Variants in NFATC2 observed in about 807,000 individuals in gnomAD.
The protein encoded by NFATC2 is nuclear factor of activated T cells 2.
A neutral mutation model predicts 87.3 loss-of-function variants in NFATC2; 22 were observed. The observed-to-expected ratio is 0.25, with a 90% CI of 0.18 to 0.36. The LOEUF (loss-of-function observed/expected upper bound fraction) is 0.36. Ranked by LOEUF, NFATC2 falls within the 10% of genes least tolerant of loss-of-function variation. The pLI is 1.00. For synonymous variants in NFATC2, 565 were observed against 542.2 expected (o/e 1.04, Z -0.58); for missense variants, 1,149 against 1,259.1 (o/e 0.91, Z 1.32).
intron 3 of NFATC2, among the ~76,000 whole-genome samples, chr20:51,514,313 T>C (rs557934095): frequency 1.3e-5 from 2 of 152,364 alleles, no homozygotes; most frequent in East Asian, 3.9e-4. Context: ...AGATTCTCTC[T>C]CCTTAAGACT....
At position 51,523,921 on chromosome 20, in the gene NFATC2, G is replaced by A. The variant is rs757310570; in HGVS notation, c.320C>T (p.Ser107Leu). ...GATCTCGATCCGAGGGCTCAGGCCC[G>A]AGGCCCCTGCTGGCTTGGCCGCGCT... ...FLSAAKPAGA[S>L]GLSPRIEITP... is the part of the protein sequence containing the mutation. Residue 107 changes from serine to leucine, a missense_variant, in exon 2 of 11, where the codon TCG (serine) becomes TTG (leucine). Ser to Leu is a moderately radical substitution (Grantham distance 145, BLOSUM62 -2). Transcript: ENST00000371564. This position sits in a 1 kb window ranked among gnomAD's most constrained non-coding sequence, Gnocchi z 6.9. 4.5e-5 allele frequency: 72 copies of A among 1,603,242 alleles called. No individual in the cohort carries two copies. The highest frequency in any genetic ancestry group is 5.9e-5 in the Non-Finnish European group (69 of 1,177,060).
chr20:51,393,959 GGATGGAAATGGTCCTGCT>G (rs11270196), intron 10 of NFATC2, among the ~76,000 whole-genome samples: 9,219 of 151,718 alleles, frequency 0.061, 455 homozygotes, highest in African/African-American at 0.13. Context: ...CCCTCTTCTT[GGATGGAAATGGTCCTGCT>G]GATGGAAATG....
chr20:51,396,598 G>A (rs1331423260), intron 10 of NFATC2, among the ~76,000 whole-genome samples: 1 of 152,154 alleles, frequency 6.6e-6, no homozygotes, highest in Non-Finnish European at 1.5e-5. Context: ...CAAAGGCCAT[G>A]GCCAGAAAGA....
chr20:51,502,256 T>G (rs2076100214), intron 3 of NFATC2, among the ~76,000 whole-genome samples: 1 of 152,236 alleles, frequency 6.6e-6, no homozygotes, highest in Non-Finnish European at 1.5e-5. Flanking sequence ...CACTCAACAC[T>G]TTTATTGCTG....
At position 51,432,034 on chromosome 20, in the gene NFATC2, C is replaced by T; in HGVS notation, c.2722+33G>A. On this transcript the variant is annotated intron_variant, in intron 9 of 10. Transcript: ENST00000371564. This position sits in a 1 kb window ranked among gnomAD's most constrained non-coding sequence, Gnocchi z 4.6. ...GGCAGAGATGCTTCAGGGCACCATC[C>T]TTACAGGCAGTGACAAAACTCAAGC... 2 of 1,508,176 alleles carry T rather than the reference C, an allele frequency of 1.3e-6. No individual in the cohort carries two copies. Among genetic ancestry groups the T allele is most frequent in the Admixed American group, 4.5e-5 (2 of 44,400 alleles). The allele number at this position is 1,508,176 out of a possible 1,614,324, so 93.4% of individuals were successfully genotyped here.
chr20:51,474,548 TA>T (rs1988529874), intron 4 of NFATC2, among the ~76,000 whole-genome samples: 1 of 152,166 alleles, frequency 6.6e-6, no homozygotes, highest in African/African-American at 2.4e-5. Context: ...CATCCTGAAG[TA>T]TTTAAAAGTA....
intron 1 of NFATC2, among the ~76,000 whole-genome samples, chr20:51,536,605 C>A (rs1184649737): frequency 1.3e-5 from 2 of 152,180 alleles, no homozygotes; most frequent in African/African-American, 4.8e-5. Context: ...TACTCCTGAT[C>A]AAAATCTATG....
In NFATC2 at chr20:51,391,308, G is replaced by T; in HGVS notation, c.*188C>A. The T allele has an allele frequency of 7.1e-7, 1 of 1,411,658 alleles. No individual in the cohort carries two copies. The highest frequency in any genetic ancestry group is 1.0e-6 in the Non-Finnish European group (1 of 996,086). 87.4% of individuals were successfully genotyped at this position (1,411,658 alleles called of 1,614,324 possible). On this transcript the variant is annotated 3_prime_UTR_variant, in exon 11 of 11. Coordinates refer to ENST00000371564, the MANE Select transcript of NFATC2 (RefSeq NM_012340.5). ...TCCGCGTGTGGACTCCGGGCTGGGA[G>T]ATGAACATGAAAGGAGACAGAAGGT... is the stretch of plus-strand genomic sequence containing the variant.
At chr20:51,476,959 AC>A (rs1367491245) in intron 3 of NFATC2, among the ~76,000 whole-genome samples, 1 of 152,206 alleles carries the variant, frequency 6.6e-6, no homozygotes, top group Non-Finnish European at 1.5e-5. Context: ...GACTGGTATA[AC>A]TATTTTAAAG....
intron 5 of NFATC2, among the ~76,000 whole-genome samples, chr20:51,458,286 A>G (rs1313603066): frequency 6.6e-6 from 1 of 151,954 alleles, no homozygotes; most frequent in Admixed American, 6.6e-5. Context: ...TGTCCTGGGC[A>G]TTGTACAATG....
At chr20:51,545,999 T>C (rs966234257), upstream of NFATC2, among the ~76,000 whole-genome samples, 1 of 152,178 alleles carries the variant, frequency 6.6e-6, no homozygotes, top group Non-Finnish European at 1.5e-5. Context: ...ACCCTGAGGC[T>C]TACCCTGGCC....
chr20:51,466,705 AAAGCACTAATCCCAG>A (rs1216763818), intron 5 of NFATC2, among the ~76,000 whole-genome samples: 1 of 152,204 alleles, frequency 6.6e-6, no homozygotes, highest in East Asian at 1.9e-4. Flanking sequence ...AGGAATGCAA[AAAGCACTAATCCCAG>A]AAGAAAAGAA....
intron 1 of NFATC2, among the ~76,000 whole-genome samples, chr20:51,539,271 T>C (rs142357503): frequency 1.2e-4 from 19 of 152,306 alleles, no homozygotes. Flanking sequence ...TGCCCAGAGT[T>C]AAGGATAGAA....
At chr20:51,398,621 A>T in intron 10 of NFATC2, 22 bp downstream of exon 10, 1 of 1,533,854 alleles carries the variant, frequency 6.5e-7, no homozygotes, top group South Asian at 1.2e-5. Context: ...AAACAAAAGG[A>T]GAAGCAGAAG....
intron 10 of NFATC2, among the ~76,000 whole-genome samples, chr20:51,391,818 AT>A (rs949168609): frequency 5.3e-5 from 8 of 151,488 alleles, no homozygotes; most frequent in Non-Finnish European, 4.4e-5. Context: ...GCCCATCTCT[AT>A]TTTTTTTAAA....
At chr20:51,408,553 C>T (rs1978721615) in intron 9 of NFATC2, among the ~76,000 whole-genome samples, 1 of 148,766 alleles carries the variant, frequency 6.7e-6, no homozygotes, top group Admixed American at 6.7e-5. Context: ...GAAAGAGGCC[C>T]ACACTTACAT....
chr20:51,533,499 G>A (rs1387861391), intron 1 of NFATC2, among the ~76,000 whole-genome samples: 2 of 152,210 alleles, frequency 1.3e-5, no homozygotes, highest in Non-Finnish European at 1.5e-5. Context: ...CCTGAAAGTC[G>A]AGAAATTCCA....
At position 51,442,170 on chromosome 20, in the gene NFATC2, G is replaced by A. The variant is rs183590056; in HGVS notation, c.1850-6409C>T. ...GATTTTGCTGGGCACGGTGGCTCAC[G>A]CCTGTAATCCCAGCACTTTGGGAAG... On this transcript the variant is annotated intron_variant, in intron 6 of 10. Coordinates refer to ENST00000371564, the MANE Select transcript of NFATC2 (RefSeq NM_012340.5). Among the ~76,000 whole-genome samples the A allele has an allele frequency of 7.2e-5, 11 of 152,240 alleles. No homozygotes were observed. The East Asian group carries it at 1.7e-3, about 24-fold the overall frequency.
chr20:51,523,174 T>G lies in NFATC2; in HGVS notation c.1067A>C (p.Glu356Ala). Residue 356 changes from glutamate (E) to alanine (A), a missense_variant, in exon 2 of 11, where the codon GAG becomes GCG. Physicochemically the swap from Glu to Ala is moderately radical, Grantham distance 107 (BLOSUM62 -1). This residue lies in a region of NFATC2 where 563 missense variants were observed against 585.2 expected (regional missense o/e 0.96). Transcript: ENST00000371564. The surrounding 1 kb of genome is among the most constrained non-coding windows in gnomAD (Gnocchi z 6.9). The stretch of plus-strand genomic sequence containing the variant: ...AGCCGAGTTTCTCCTCTCGCCCTGC[T>G]CGCAGGGCCCCAGGAACTCCACGGC... The part of the protein sequence containing the change: ...YPAVEFLGPC[E>A]QGERRNSAPE... 6.2e-7 allele frequency: 1 copy of G among 1,614,196 alleles called. No homozygotes were observed. Among genetic ancestry groups the G allele is most frequent in the Non-Finnish European group, 8.5e-7 (1 of 1,180,046 alleles).
Sources: gnomAD v4.1 joint callset for allele counts (sites outside exome capture counted in the v4.1 genomes callset) on GRCh38, gnomAD v4.1.1 for gene constraint, gnomAD v4.1.1 regional missense constraint, Gnocchi (gnomAD v3.1) non-coding constraint, MANE v1.5 for transcripts, NCBI Gene and HGNC (gene_info 2026-07-23, HGNC 2026-07-21) for gene names.